PBLD: variants seen among roughly 807,000 people sequenced by gnomAD.
PBLD encodes phenazine biosynthesis-like domain-containing protein.
Under a neutral mutation model 31.3 loss-of-function variants are expected in PBLD, and 26 were observed. That is an observed-to-expected ratio of 0.83 (90% CI 0.61 to 1.15). The LOEUF (loss-of-function observed/expected upper bound fraction) is 1.15, where lower values mean the gene tolerates loss of function less well. Among genes scored for constraint, PBLD ranks in the 50% most tolerant of loss-of-function variants. The pLI is 0.00. For missense variants in PBLD, 307 were observed against 351.7 expected, an observed-to-expected ratio of 0.87 and a Z score of 1.02; for synonymous variants, 114 against 129.0, an observed-to-expected ratio of 0.88 and a Z score of 0.79.
At chr10:68,288,166 G>A (rs578244583) in intron 8 of PBLD, 1 of 333,610 alleles carries the variant, frequency 3.0e-6, no homozygotes, top group African/African-American at 2.1e-5. Context: ...GCCCTATGAG[G>A]TATTATATAC....
chr10:68,285,901 G>C (rs12783523), intron 8 of PBLD, among the ~76,000 whole-genome samples: 1 of 150,966 alleles, frequency 6.6e-6, no homozygotes, highest in African/African-American at 2.4e-5. Context: ...GCCTGGTCTC[G>C]AACTCCTGAT....
intron 6 of PBLD, among the ~76,000 whole-genome samples, chr10:68,289,683 A>ACACACACACG (rs1454402898): frequency 6.7e-6 from 1 of 149,680 alleles, no homozygotes; most frequent in African/African-American, 2.5e-5. Context: ...ACACACACAC[A>ACACACACACG]CACACACACA....
chr10:68,299,453 T>A (rs1320962840), intron 2 of PBLD, among the ~76,000 whole-genome samples: 1 of 152,188 alleles, frequency 6.6e-6, no homozygotes, highest in Non-Finnish European at 1.5e-5. Context: ...AACACTCTTG[T>A]CTTTGATTCA....
At chr10:68,289,334 G>C (rs2044327573) in intron 6 of PBLD, among the ~76,000 whole-genome samples, 1 of 151,930 alleles carries the variant, frequency 6.6e-6, no homozygotes, top group Non-Finnish European at 1.5e-5. Flanking sequence ...TCGAGACCAG[G>C]CTGGCCAGCA....
At chr10:68,315,795 G>A (rs987778303) in intron 1 of PBLD, among the ~76,000 whole-genome samples, 1 of 152,094 alleles carries the variant, frequency 6.6e-6, no homozygotes, top group Admixed American at 6.6e-5. Context: ...TGAGTGTCAA[G>A]GGTGTGCCCC....
At chr10:68,312,330 G>A (rs1057390364) in intron 1 of PBLD, among the ~76,000 whole-genome samples, 1 of 151,978 alleles carries the variant, frequency 6.6e-6, no homozygotes, top group Non-Finnish European at 1.5e-5. Flanking sequence ...TCTTCTCCAC[G>A]TCCTCACCAA....
rs551137319 is a variant in PBLD, at chr10:68,288,659, G to A, written c.515C>T (p.Ser172Leu). Residue 172 changes from serine (S) to leucine (L), a missense_variant and splice_region_variant, in exon 8 of 10, where the codon TCG becomes TTG. Transcript: ENST00000358769. ...LVRLSDVYNR[S>L]FLENLKVNTE... ...GTTCACTTTCAGGTTCTCCAGAAAC[G>A]ACCTTGTTCATAAACAAGATGGATT... 31 of 1,613,524 alleles carry A rather than the reference G, an allele frequency of 1.9e-5. No individual in the cohort carries two copies. Among genetic ancestry groups the A allele is most frequent in the East Asian group, 4.5e-5 (2 of 44,888 alleles).
intron 1 of PBLD, among the ~76,000 whole-genome samples, chr10:68,324,005 C>T (rs1212389606): frequency 6.6e-6 from 1 of 152,204 alleles, no homozygotes; most frequent in Non-Finnish European, 1.5e-5. Flanking sequence ...AAAATCAACA[C>T]ACCCGATATT....
intron 2 of PBLD, among the ~76,000 whole-genome samples, chr10:68,297,554 C>T (rs946566162): frequency 6.6e-6 from 1 of 152,148 alleles, no homozygotes; most frequent in Non-Finnish European, 1.5e-5. Flanking sequence ...GCCTCGCCAC[C>T]TCTGATTCTA....
At chr10:68,301,478 T>C (rs10998057) in intron 2 of PBLD, among the ~76,000 whole-genome samples, 1 of 152,158 alleles carries the variant, frequency 6.6e-6, no homozygotes, top group East Asian at 1.9e-4. Context: ...CAACACCTGA[T>C]AGAAACTGGG....
At position 68,292,145 on chromosome 10, in the gene PBLD, TAA is replaced by T; in HGVS notation, c.375_376del (p.Tyr126SerfsTer9). 2.5e-6 allele frequency: 4 copies of T among 1,613,786 alleles called. No individual in the cohort carries two copies. The South Asian group carries it at 3.3e-5, about 13-fold the overall frequency. On this transcript the variant is annotated frameshift_variant, in exon 5 of 10. Coordinates refer to ENST00000358769, the MANE Select transcript of PBLD (RefSeq NM_022129.4). LOFTEE classifies it high-confidence loss of function. ...AGAGCTGACCTGGGGGTGGGCTGGA[TAA>T]AGAGGCAAGTCCAGGACGATGCCAT...
At chr10:68,332,400 C>T (rs1238982211) in intron 1 of PBLD, among the ~76,000 whole-genome samples, 3 of 152,128 alleles carry the variant, frequency 2.0e-5, no homozygotes, top group Non-Finnish European at 4.4e-5. Flanking sequence ...GGCGGCTTGC[C>T]GATGGGAGGA....
At chr10:68,301,214 A>G (rs1344639818) in intron 2 of PBLD, among the ~76,000 whole-genome samples, 1 of 152,116 alleles carries the variant, frequency 6.6e-6, no homozygotes, top group African/African-American at 2.4e-5. Flanking sequence ...GTTAAATCAG[A>G]GATTAAACTT....
chr10:68,307,298 G>A (rs2044594705), intron 1 of PBLD, among the ~76,000 whole-genome samples: 1 of 152,104 alleles, frequency 6.6e-6, no homozygotes, highest in Non-Finnish European at 1.5e-5. Flanking sequence ...AAAAAGTGCT[G>A]AGATTATAGG....
rs372743359 is a variant in PBLD at position 68,320,013 on chromosome 10, A to G, written c.-60+12771T>C. Among the ~76,000 whole-genome samples, 79 of 151,848 alleles carry G rather than the reference A, an allele frequency of 5.2e-4. No individual in the cohort carries two copies. The East Asian group carries it at 0.015, about 28-fold the overall frequency. ...TAATTTTGTATTTTTAGTAGAGAAG[A>G]GGTTTCTCCATGTTGGTCAGGCTGG... On this transcript the variant is annotated intron_variant, in intron 1 of 9. Transcript: ENST00000358769.
intron 4 of PBLD, among the ~76,000 whole-genome samples, chr10:68,295,605 C>T (rs970345932): frequency 1.3e-5 from 2 of 152,040 alleles, no homozygotes; most frequent in East Asian, 3.9e-4. Flanking sequence ...AATCTCATAT[C>T]GTATGAGATG....
At chr10:68,312,863 G>A (rs10762223) in intron 1 of PBLD, among the ~76,000 whole-genome samples, 112,335 of 151,592 alleles carry the variant, frequency 0.74, 42,478 homozygotes, top group Middle Eastern at 0.84. Flanking sequence ...CGCCCACCTC[G>A]GACTCCCAAA....
intron 5 of PBLD, 37 bp downstream of exon 5, chr10:68,292,092 T>A (rs1442953911): frequency 1.3e-6 from 2 of 1,596,512 alleles, no homozygotes; most frequent in Non-Finnish European, 1.7e-6. Flanking sequence ...AGCTGTCGGT[T>A]GTAGATGGCT....
At chr10:68,323,099 T>A (rs2044860771) in intron 1 of PBLD, among the ~76,000 whole-genome samples, 1 of 151,940 alleles carries the variant, frequency 6.6e-6, no homozygotes, top group South Asian at 2.1e-4. Context: ...CTATGTAATA[T>A]CTTTGCAACT....
Sources: allele counts gnomAD v4.1 joint callset (sites outside exome capture counted in the v4.1 genomes callset), GRCh38; gene constraint gnomAD v4.1.1; transcripts MANE v1.5; gene names NCBI Gene and HGNC (gene_info 2026-07-23, HGNC 2026-07-21).